The following IGSF9B variants were observed in gnomAD, a reference collection of about 807,000 sequenced individuals.
The protein encoded by IGSF9B is protein turtle homolog B.
Under a neutral mutation model 143.7 loss-of-function variants are expected in IGSF9B, and 48 were observed. That is an observed-to-expected ratio of 0.33 (90% CI 0.26 to 0.42). IGSF9B has a LOEUF of 0.42. IGSF9B is among the 20% of genes least tolerant of loss of function. The pLI is 1.00. For synonymous variants in IGSF9B, 903 were observed against 833.1 expected (o/e 1.08, Z -1.44); for missense variants, 1,706 against 1,980.0 (o/e 0.86, Z 2.63).
At chr11:133,947,187 A>T (rs949830685) in intron 1 of IGSF9B, among the ~76,000 whole-genome samples, 11 of 152,268 alleles carry the variant, frequency 7.2e-5, no homozygotes, top group Non-Finnish European at 4.4e-5. Context: ...GCAGAGAGGA[A>T]GAGCCACGCA....
At chr11:133,943,148 T>C (rs970182130) in intron 3 of IGSF9B, among the ~76,000 whole-genome samples, 2 of 152,280 alleles carry the variant, frequency 1.3e-5, no homozygotes, top group Non-Finnish European at 2.9e-5. Flanking sequence ...ACAGCATCTA[T>C]GGTCTCAAGG....
intron 19 of IGSF9B, among the ~76,000 whole-genome samples, chr11:133,911,628 C>T (rs1244383220): frequency 6.6e-6 from 1 of 152,116 alleles, no homozygotes; most frequent in East Asian, 1.9e-4. Context: ...TGAGTGGAAA[C>T]AAATTGGAAG....
chr11:133,897,330 T>C lies in IGSF9B; in HGVS notation c.*11739A>G, dbSNP rs1939035985. ...ACCATGACACTGTGCACCTGTGAGC[T>C]CTCTCCCGCTCTCACTCTCTTGCGT... On this transcript the variant is annotated 3_prime_UTR_variant, in exon 20 of 20. Transcript: ENST00000533871. 6.6e-6 allele frequency: 1 copy of C among 152,170 alleles called. No individual in the cohort carries two copies. The highest frequency in any genetic ancestry group is 2.4e-5 in the African/African-American group (1 of 41,404). The allele number at this position is 152,170 out of a possible 1,614,324, so 9.4% of individuals were successfully genotyped here.
At chr11:133,940,446 AAC>A (rs764268738) in intron 3 of IGSF9B, among the ~76,000 whole-genome samples, 8 of 109,326 alleles carry the variant, frequency 7.3e-5, no homozygotes, top group Admixed American at 9.7e-5. Context: ...CACATGCAAA[AAC>A]ACACCTCGCA....
chr11:133,942,980 T>C (rs1939978485), intron 3 of IGSF9B, among the ~76,000 whole-genome samples: 1 of 152,130 alleles, frequency 6.6e-6, no homozygotes, highest in Non-Finnish European at 1.5e-5. Flanking sequence ...AAATATAACA[T>C]ATTCCGTTCT....
At position 133,909,475 on chromosome 11, in the gene IGSF9B, C is replaced by G. The variant is rs1376751103; in HGVS notation, c.4106-198G>C. ...CCGCCAAGACAACCAGCAACCTGAC[C>G]CTGCTCCTTTCACTTGAATAAGAGT... On this transcript the variant is annotated intron_variant, in intron 19 of 19. Transcript: ENST00000533871. The surrounding 1 kb of genome is among the most constrained non-coding windows in gnomAD (Gnocchi z 4.2). Among the ~76,000 whole-genome samples, 1 of 152,138 alleles carries G rather than the reference C, an allele frequency of 6.6e-6. No homozygotes were observed. Among genetic ancestry groups the G allele is most frequent in the East Asian group, 1.9e-4 (1 of 5,192 alleles).
chr11:133,956,037 C>G (rs1940246617), intron 1 of IGSF9B, among the ~76,000 whole-genome samples: 1 of 152,068 alleles, frequency 6.6e-6, no homozygotes, highest in Admixed American at 6.5e-5. Flanking sequence ...GCGCGGGGGC[C>G]GGCGGGGTCC....
rs779964508 is a variant in IGSF9B, at chr11:133,921,190, C to T, written c.2535G>A (p.Thr845=). ...GGCCTCTGCTGATGAGCTCGATGGG[C>T]GTGGTGGCCTCTGCCTCGGCCTCTG... ...AKAEAEAEAT[T]PIELISRGPD... The change falls in exon 18 of 20, where the codon ACG becomes ACA. Residue 845 remains threonine (T), a synonymous_variant. Transcript: ENST00000533871. The T allele has an allele frequency of 1.5e-5, 24 of 1,608,622 alleles. No homozygotes were observed. The highest frequency in any genetic ancestry group is 3.3e-5 in the South Asian group (3 of 90,974).
At chr11:133,912,967 G>C (rs1414122750) in intron 18 of IGSF9B, among the ~76,000 whole-genome samples, 4 of 152,306 alleles carry the variant, frequency 2.6e-5, no homozygotes, top group African/African-American at 7.2e-5. Context: ...GTGACACTCG[G>C]TGCATATTGG....
At chr11:133,915,273 T>C (rs1301323795) in intron 18 of IGSF9B, among the ~76,000 whole-genome samples, 1 of 144,622 alleles carries the variant, frequency 6.9e-6, no homozygotes, top group African/African-American at 2.6e-5. Flanking sequence ...TCTCTCTTTT[T>C]TTTTTTTTTT....
Position 133,908,029 on chromosome 11 carries a change from GCT to G in IGSF9B, c.*1038_*1039del, listed in dbSNP as rs1214656002. Among the ~76,000 whole-genome samples, 2 of 152,258 alleles carry G rather than the reference GCT, an allele frequency of 1.3e-5. No homozygotes were observed. Among genetic ancestry groups the G allele is most frequent in the Non-Finnish European group, 2.9e-5 (2 of 68,044 alleles). ...GCTGTGGAACAGCACTGCACAGAGT[GCT>G]GAGCCGGGGACGGTATAAATAGAGC... On this transcript the variant is annotated 3_prime_UTR_variant, in exon 20 of 20. Coordinates refer to ENST00000533871, the MANE Select transcript of IGSF9B (RefSeq NM_001277285.4).
At chr11:133,944,086 C>T (rs1939999305) in intron 3 of IGSF9B, 134 bp downstream of exon 3, 7 of 977,492 alleles carry the variant, frequency 7.2e-6, no homozygotes, top group Non-Finnish European at 8.9e-6. Context: ...CTCATGGGAC[C>T]ACAGCAACAA....
At chr11:133,952,841 A>G (rs1174191005) in intron 1 of IGSF9B, among the ~76,000 whole-genome samples, 2 of 152,154 alleles carry the variant, frequency 1.3e-5, no homozygotes, top group East Asian at 1.9e-4. Flanking sequence ...GGAAGCTCTC[A>G]GCAGTTGCAG....
Position 133,953,788 on chromosome 11 carries a change from C to T in IGSF9B, c.64+2903G>A, listed in dbSNP as rs74963498. Among the ~76,000 whole-genome samples, 7 of 152,290 alleles carry T rather than the reference C, an allele frequency of 4.6e-5. No individual in the cohort carries two copies. Among genetic ancestry groups the T allele is most frequent in the Middle Eastern group, 6.8e-3 (2 of 294 alleles). On this transcript the variant is annotated intron_variant, in intron 1 of 19. Transcript: ENST00000533871. The surrounding 1 kb of genome is among the most constrained non-coding windows in gnomAD (Gnocchi z 4.2). Reference sequence around the variant, plus strand: ...TCCTCCCACAGAGTAGGAACTCCCCCGGGCTGGCTCAGCAGCCGTCTGAGA... The same window carrying T: ...TCCTCCCACAGAGTAGGAACTCCCCTGGGCTGGCTCAGCAGCCGTCTGAGA...
chr11:133,912,965 C>T (rs561231195), intron 18 of IGSF9B, among the ~76,000 whole-genome samples: 35 of 152,200 alleles, frequency 2.3e-4, no homozygotes, highest in Admixed American at 1.9e-3. Flanking sequence ...CTGTGACACT[C>T]GGTGCATATT....
chr11:133,936,179 A>G lies in IGSF9B; in HGVS notation c.695T>C (p.Val232Ala). Reference sequence around the variant, plus strand: ...GACGGTGATGTTCTCAGGAGGGGAGACGATGAAAGGGGGCCCTGGGGAGAG... The same window carrying G: ...GACGGTGATGTTCTCAGGAGGGGAGGCGATGAAAGGGGGCCCTGGGGAGAG... The part of the protein sequence containing the change: ...HLLVQGPPFI[V>A]SPPENITVNI... Residue 232 changes from valine (V) to alanine (A), a missense_variant, in exon 6 of 20, where the codon GTC (valine) becomes GCC (alanine). Transcript: ENST00000533871. 1 of 1,610,700 alleles carries G rather than the reference A, an allele frequency of 6.2e-7. No homozygotes were observed. Among genetic ancestry groups the G allele is most frequent in the Non-Finnish European group, 8.5e-7 (1 of 1,178,638 alleles).
intron 18 of IGSF9B, among the ~76,000 whole-genome samples, 163 bp downstream of exon 18, chr11:133,919,567 AGCGACTGCACCC>A (rs1264446049): frequency 1.3e-5 from 2 of 152,028 alleles, no homozygotes; most frequent in Non-Finnish European, 2.9e-5. Flanking sequence ...GCTGCGCCCC[AGCGACTGCACCC>A]CGCCCAAACC....
chr11:133,917,471 G>A (rs1410169775), intron 18 of IGSF9B, among the ~76,000 whole-genome samples: 4 of 151,824 alleles, frequency 2.6e-5, no homozygotes, highest in Admixed American at 2.0e-4. Flanking sequence ...CTCCCCTCGG[G>A]GAGGTCCTCC....
chr11:133,901,790 ACACACAC>A lies in IGSF9B; in HGVS notation c.*7272_*7278del, dbSNP rs1327669546. Among the ~76,000 whole-genome samples, 1 of 142,248 alleles carries A rather than the reference ACACACAC, an allele frequency of 7.0e-6. No homozygotes were observed. Among genetic ancestry groups the A allele is most frequent in the Non-Finnish European group, 1.6e-5 (1 of 63,514 alleles). 93.3% of individuals were successfully genotyped at this position (142,248 alleles called of 152,430 possible). A position where few individuals can be genotyped will look rare whatever the true frequency, so the allele number is the denominator to read the frequency against. On this transcript the variant is annotated 3_prime_UTR_variant, in exon 20 of 20. Transcript: ENST00000533871. ...CAGCATGTCTGTACAAATCTCTCTC[ACACACAC>A]CACACACAACAGACACACCACACCA...
Sources: allele counts gnomAD v4.1 joint callset (sites outside exome capture counted in the v4.1 genomes callset), GRCh38; gene constraint gnomAD v4.1.1; non-coding constraint Gnocchi (gnomAD v3.1); transcripts MANE v1.5; gene names NCBI Gene and HGNC (gene_info 2026-07-23, HGNC 2026-07-21).